Variants in KLHL32 observed in about 807,000 individuals in gnomAD.
The protein encoded by KLHL32 is kelch-like protein 32.
In KLHL32, 35 loss-of-function variants were observed where a neutral mutation model predicts 64.8. The observed-to-expected ratio is 0.54, with a 90% CI of 0.41 to 0.72. The LOEUF is 0.72. Among genes scored for constraint, KLHL32 ranks in the 30% least tolerant of loss-of-function variants. The pLI, the probability that KLHL32 is intolerant of heterozygous loss-of-function variation, is 0.00. For missense variants in KLHL32, 589 were observed against 768.5 expected (o/e 0.77, Z 2.76); for synonymous variants, 259 against 281.0 (o/e 0.92, Z 0.78).
At chr6:97,073,154 CT>C (rs906831487) in intron 5 of KLHL32, among the ~76,000 whole-genome samples, 14 of 152,172 alleles carry the variant, frequency 9.2e-5, no homozygotes, top group Admixed American at 6.5e-4. Flanking sequence ...CCCCTCACCC[CT>C]GTCTTCCCTC....
Position 97,139,205 on chromosome 6 carries a change from T to C in KLHL32, c.1786T>C (p.Phe596Leu). ...TGCTTCCAATGGAATAGCAGCATGC[T>C]TCCTTCCAGCTCCATATTTTACATG... ...PFASNGIAAC[F>L]LPAPYFTCPN... is the part of the protein sequence containing the mutation. The change falls in exon 11 of 11, where the codon TTC becomes CTC. Residue 596 changes from phenylalanine (F) to leucine (L), a missense_variant. By Grantham distance (22) the Phe-to-Leu change is conservative. Coordinates refer to ENST00000369261, the MANE Select transcript of KLHL32 (RefSeq NM_052904.4). 1 of 1,613,864 alleles carries C rather than the reference T, an allele frequency of 6.2e-7. No homozygotes were observed. Among genetic ancestry groups the C allele is most frequent in the Non-Finnish European group, 8.5e-7 (1 of 1,179,744 alleles).
chr6:97,062,075 A>G (rs897462866), intron 4 of KLHL32, among the ~76,000 whole-genome samples: 6 of 152,230 alleles, frequency 3.9e-5, no homozygotes, highest in African/African-American at 1.4e-4. Context: ...AAAAACTACA[A>G]AACAAAAAAT....
chr6:96,951,591 AC>A (rs1030476638), intron 1 of KLHL32, among the ~76,000 whole-genome samples: 1 of 152,076 alleles, frequency 6.6e-6, no homozygotes, highest in African/African-American at 2.4e-5. Context: ...CATCATCAAG[AC>A]AATATTAATT....
chr6:96,999,654 T>A, intron 3 of KLHL32: 1 of 308,998 alleles, frequency 3.2e-6, no homozygotes, highest in Non-Finnish European at 4.7e-6. Context: ...ATTTTTATTT[T>A]AAATGTTTTT....
chr6:96,970,720 C>T (rs922205040), intron 2 of KLHL32, among the ~76,000 whole-genome samples: 2 of 152,144 alleles, frequency 1.3e-5, no homozygotes, highest in Non-Finnish European at 2.9e-5. Context: ...TTCCTTTCTA[C>T]AGAGTTTTCA....
chr6:97,070,296 A>C (rs1005755793), intron 5 of KLHL32, among the ~76,000 whole-genome samples: 2 of 152,212 alleles, frequency 1.3e-5, no homozygotes, highest in Admixed American at 1.3e-4. Context: ...AATGTATCAG[A>C]CCTATTAAAT....
intron 1 of KLHL32, among the ~76,000 whole-genome samples, chr6:96,927,855 AC>A (rs748607518): frequency 6.6e-6 from 1 of 152,222 alleles, no homozygotes; most frequent in Non-Finnish European, 1.5e-5. Context: ...GAGCAAACAC[AC>A]TGCTCCTGGC....
intron 3 of KLHL32, among the ~76,000 whole-genome samples, chr6:97,006,148 T>G (rs1779635736): frequency 6.6e-6 from 1 of 152,208 alleles, no homozygotes; most frequent in South Asian, 2.1e-4. Flanking sequence ...TCTAGGTCTC[T>G]TCATAGGTCT....
At chr6:97,047,545 A>G (rs1256785570) in intron 4 of KLHL32, among the ~76,000 whole-genome samples, 1 of 152,232 alleles carries the variant, frequency 6.6e-6, no homozygotes, top group Non-Finnish European at 1.5e-5. Context: ...TACAAACTCC[A>G]GTTACACTGG....
intron 7 of KLHL32, among the ~76,000 whole-genome samples, chr6:97,124,760 A>T (rs1175393905): frequency 2.6e-5 from 4 of 152,194 alleles, no homozygotes; most frequent in African/African-American, 9.7e-5. Flanking sequence ...TCTGGTGGTT[A>T]TGGCTCAGAT....
intron 7 of KLHL32, among the ~76,000 whole-genome samples, chr6:97,115,890 T>G (rs1204307429): frequency 6.6e-6 from 1 of 152,232 alleles, no homozygotes; most frequent in Non-Finnish European, 1.5e-5. Context: ...TAAGTACACC[T>G]GCAAAGGCTT....
At chr6:96,926,125 C>G (rs1449416303) in intron 1 of KLHL32, among the ~76,000 whole-genome samples, 1 of 152,196 alleles carries the variant, frequency 6.6e-6, no homozygotes, top group Non-Finnish European at 1.5e-5. Flanking sequence ...AGTAATTACA[C>G]TTTGCACGAA....
chr6:97,071,850 C>T (rs887978038), intron 5 of KLHL32, among the ~76,000 whole-genome samples: 8 of 152,162 alleles, frequency 5.3e-5, no homozygotes, highest in Admixed American at 3.3e-4. Flanking sequence ...AACTCAGCTG[C>T]GCTCCCTGCC....
At chr6:97,134,013 A>C (rs562013680) in intron 10 of KLHL32, among the ~76,000 whole-genome samples, 4 of 152,162 alleles carry the variant, frequency 2.6e-5, no homozygotes, top group South Asian at 4.2e-4. Context: ...ACAAAAAAAA[A>C]CCCCTACATA....
intron 3 of KLHL32, among the ~76,000 whole-genome samples, chr6:96,979,994 A>G (rs1029503736): frequency 3.5e-5 from 2 of 57,822 alleles, no homozygotes; most frequent in African/African-American, 4.3e-4. Flanking sequence ...TGCTACTGAT[A>G]TTCGTACAAT....
chr6:96,945,670 A>C (rs933438454), intron 1 of KLHL32, among the ~76,000 whole-genome samples: 2 of 152,206 alleles, frequency 1.3e-5, no homozygotes, highest in African/African-American at 4.8e-5. Flanking sequence ...CTTGGGCAGC[A>C]CTGGCACTTA....
chr6:96,945,070 A>G (rs1232058301), intron 1 of KLHL32, among the ~76,000 whole-genome samples: 1 of 152,230 alleles, frequency 6.6e-6, no homozygotes, highest in Non-Finnish European at 1.5e-5. Flanking sequence ...CTGAATTTCT[A>G]GGTCTCTTGT....
chr6:96,901,865 TAA>T, the KLHL32 span, among the ~76,000 whole-genome samples: 1 of 152,244 alleles, frequency 6.6e-6, no homozygotes, highest in African/African-American at 2.4e-5. Flanking sequence ...GTTAGTTTGC[TAA>T]AGATAATGGC....
upstream of KLHL32, chr6:96,924,592 C>G (rs1347793080): frequency 1.3e-5 from 2 of 150,954 alleles, no homozygotes; most frequent in Admixed American, 6.6e-5. Flanking sequence ...CGCGGGCTAG[C>G]TGGAGGCGGG....
Sources: gnomAD v4.1 joint callset for allele counts (sites outside exome capture counted in the v4.1 genomes callset) on GRCh38, gnomAD v4.1.1 for gene constraint, MANE v1.5 for transcripts, NCBI Gene and HGNC (gene_info 2026-07-23, HGNC 2026-07-21) for gene names.